CD163L1: variants seen among roughly 807,000 people sequenced by gnomAD.
The protein encoded by CD163L1 is scavenger receptor cysteine-rich type 1 protein M160.
CD163L1 carries 124 observed loss-of-function variants against 165.4 expected under a neutral mutation model. The ratio of observed to expected loss-of-function variants is 0.75; its 90% CI spans 0.65 to 0.87. The LOEUF (loss-of-function observed/expected upper bound fraction) is 0.87. Ranked by LOEUF, CD163L1 falls within the 40% of genes least tolerant of loss-of-function variation. CD163L1 has a pLI of 0.00. For synonymous variants in CD163L1, 585 were observed against 662.2 expected (o/e 0.88, Z 1.79); for missense variants, 1,525 against 1,799.9 (o/e 0.85, Z 2.76).
intron 7 of CD163L1, among the ~76,000 whole-genome samples, chr12:7,396,829 C>G (rs1049375558): frequency 1.3e-4 from 20 of 150,866 alleles, no homozygotes; most frequent in African/African-American, 4.8e-4. Flanking sequence ...GTCTCTCTCT[C>G]TACATACATA....
At chr12:7,407,548 A>G (rs929781639) in intron 4 of CD163L1, among the ~76,000 whole-genome samples, 32 of 151,632 alleles carry the variant, frequency 2.1e-4, no homozygotes, top group African/African-American at 7.5e-4. Context: ...TCACTTAGCA[A>G]AATTGACCAC....
intron 7 of CD163L1, among the ~76,000 whole-genome samples, chr12:7,396,916 C>A (rs1947790324): frequency 6.6e-6 from 1 of 151,972 alleles, no homozygotes. Context: ...CTGGAGAACC[C>A]TGAATAACGC....
chr12:7,442,359 A>G (rs1948842071), intron 1 of CD163L1, among the ~76,000 whole-genome samples: 1 of 152,226 alleles, frequency 6.6e-6, no homozygotes, highest in African/African-American at 2.4e-5. Context: ...GGGCTACGCA[A>G]AAGCAGAGAC....
At chr12:7,393,705 A>G (rs1389588643) in intron 8 of CD163L1, among the ~76,000 whole-genome samples, 1 of 152,214 alleles carries the variant, frequency 6.6e-6, no homozygotes, top group Admixed American at 6.5e-5. Flanking sequence ...CCTTAAACTG[A>G]TAAGCAACTT....
At chr12:7,438,609 A>T (rs1047142917) in intron 2 of CD163L1, among the ~76,000 whole-genome samples, 1 of 152,204 alleles carries the variant, frequency 6.6e-6, no homozygotes, top group African/African-American at 2.4e-5. Flanking sequence ...TAAGAGAAAC[A>T]AACCAGAGAC....
chr12:7,335,718 G>T, the CD163L1 span, among the ~76,000 whole-genome samples: 334 of 152,280 alleles, frequency 2.2e-3, no homozygotes, highest in African/African-American at 7.6e-3. Context: ...AGAGTGAACA[G>T]GCAACCTATA....
intron 4 of CD163L1, among the ~76,000 whole-genome samples, chr12:7,424,013 G>A (rs754492254): frequency 2.0e-5 from 3 of 151,868 alleles, no homozygotes; most frequent in East Asian, 3.9e-4. Context: ...CAAAACCTGG[G>A]AGAGACATGA....
chr12:7,418,405 T>G (rs1948287234), intron 4 of CD163L1, among the ~76,000 whole-genome samples: 1 of 152,072 alleles, frequency 6.6e-6, no homozygotes, highest in Non-Finnish European at 1.5e-5. Flanking sequence ...GCAAAGTTCA[T>G]AGCCTTAAAT....
the CD163L1 span, chr12:7,324,507 T>C: frequency 1.2e-5 from 19 of 1,614,014 alleles, no homozygotes; most frequent in Admixed American, 3.3e-5. Context: ...AGGTACCGTA[T>C]TGGGCCATTT....
At chr12:7,323,295 T>C in the CD163L1 span, 9 of 1,611,078 alleles carry the variant, frequency 5.6e-6, no homozygotes, top group Non-Finnish European at 7.6e-6. Flanking sequence ...GGGAAAGGAA[T>C]GCTGCCCTAT....
intron 8 of CD163L1, among the ~76,000 whole-genome samples, chr12:7,388,379 A>G (rs1215192444): frequency 2.6e-5 from 4 of 152,202 alleles, no homozygotes; most frequent in Non-Finnish European, 5.9e-5. Context: ...TTCATCTAAC[A>G]GAGTGCTAAT....
the CD163L1 span, among the ~76,000 whole-genome samples, chr12:7,325,668 CA>C: frequency 6.6e-6 from 1 of 152,028 alleles, no homozygotes; most frequent in Admixed American, 6.6e-5. Context: ...AAGAAAGAAA[CA>C]AAACTGTGGC....
At chr12:7,433,084 C>G (rs943084298) in intron 3 of CD163L1, among the ~76,000 whole-genome samples, 1 of 152,136 alleles carries the variant, frequency 6.6e-6, no homozygotes, top group Non-Finnish European at 1.5e-5. Flanking sequence ...TTCTTCATTT[C>G]TTTCTAAACT....
intron 4 of CD163L1, among the ~76,000 whole-genome samples, chr12:7,412,642 G>GA (rs535543498): frequency 9.4e-5 from 14 of 148,272 alleles, no homozygotes; most frequent in East Asian, 7.8e-4. Flanking sequence ...AAGATCACAG[G>GA]AAAAAAAAAA....
chr12:7,438,853 T>A (rs1476537602), intron 2 of CD163L1: 69 of 1,569,998 alleles, frequency 4.4e-5, no homozygotes, highest in Non-Finnish European at 2.6e-5. Flanking sequence ...TTTGGACAGA[T>A]ATAGGCATAA....
chr12:7,352,945 CA>C (rs924458650), downstream of CD163L1, among the ~76,000 whole-genome samples: 11 of 151,266 alleles, frequency 7.3e-5, no homozygotes, highest in South Asian at 8.4e-4. Flanking sequence ...CTATACATAC[CA>C]AAAAAAACCA....
At chr12:7,352,928 A>G (rs977704881), downstream of CD163L1, among the ~76,000 whole-genome samples, 1 of 152,078 alleles carries the variant, frequency 6.6e-6, no homozygotes, top group Non-Finnish European at 1.5e-5. Context: ...AGAAACAGGG[A>G]AGTGATCTAT....
chr12:7,439,179 G>C (rs1948780196), intron 2 of CD163L1: 2 of 1,576,004 alleles, frequency 1.3e-6, no homozygotes, highest in Non-Finnish European at 1.7e-6. Context: ...TCCGGAAAGG[G>C]GGAATCATTA....
the CD163L1 span, chr12:7,324,245 A>G: frequency 6.2e-7 from 1 of 1,609,238 alleles, no homozygotes; most frequent in Non-Finnish European, 8.5e-7. Context: ...GACCAGACTA[A>G]TCCCCAAATG....
Sources: gnomAD v4.1 joint callset for allele counts (sites outside exome capture counted in the v4.1 genomes callset) on GRCh38, gnomAD v4.1.1 for gene constraint, MANE v1.5 for transcripts, NCBI Gene and HGNC (gene_info 2026-07-23, HGNC 2026-07-21) for gene names.